Variants in PTPN20 observed in about 807,000 individuals in gnomAD.
PTPN20 encodes tyrosine-protein phosphatase non-receptor type 20.
In PTPN20, 9 loss-of-function variants were observed where a neutral mutation model predicts 35.0. The ratio of observed to expected loss-of-function variants is 0.26; its 90% confidence interval spans 0.15 to 0.45. The LOEUF (loss-of-function observed/expected upper bound fraction) is 0.45. Among genes scored for constraint, PTPN20 ranks in the 20% least tolerant of loss-of-function variants. The pLI, the probability that PTPN20 is intolerant of heterozygous loss-of-function variation, is 1.00. For synonymous variants in PTPN20, 32 were observed against 100.2 expected, an observed-to-expected ratio of 0.32 and a Z score of 4.06; for missense variants, 111 against 312.5, an observed-to-expected ratio of 0.36 and a Z score of 4.86.
In PTPN20 at chr10:46,999,933, G is replaced by A; in HGVS notation, c.1156G>A (p.Ala386Thr). The change falls in exon 10 of 11, where the codon GCC becomes ACC. Residue 386 changes from alanine (A) to threonine (T), a missense_variant. By Grantham distance (58) the Ala-to-Thr change is moderately conservative. Around this residue, in one of 5 missense-constraint regions of PTPN20, gnomAD observed 61 missense variants for 54.3 expected, o/e 1.12. Coordinates refer to ENST00000374339, the MANE Select transcript of PTPN20 (RefSeq NM_001042357.5). ...ACAGTTCAACATCATGGATATAGTG[G>A]CCCAAATGAGAGAACAACGTTCTGG... is the stretch of plus-strand genomic sequence containing the variant. ...NCSFNIMDIVAQMREQRSGMV... is the reference protein window; with the variant it reads ...NCSFNIMDIVTQMREQRSGMV... The A allele has an allele frequency of 1.2e-6, 2 of 1,613,694 alleles. No individual in the cohort carries two copies. Among genetic ancestry groups the A allele is most frequent in the Admixed American group, 3.3e-5 (2 of 59,994 alleles).
intron 7 of PTPN20, among the ~76,000 whole-genome samples, chr10:46,968,547 G>A (rs1403631370): frequency 6.6e-6 from 1 of 152,218 alleles, no homozygotes; most frequent in African/African-American, 2.4e-5. Flanking sequence ...TGGGAGGGTA[G>A]TGGCACCTTC....
intron 7 of PTPN20, among the ~76,000 whole-genome samples, chr10:46,973,944 TTG>T (rs1423439192): frequency 1.3e-5 from 2 of 151,982 alleles, no homozygotes; most frequent in Non-Finnish European, 2.9e-5. Context: ...TCCAGCACCT[TTG>T]TGGGTCCACT....
chr10:46,977,351 A>C (rs1472053112), intron 7 of PTPN20, among the ~76,000 whole-genome samples: 1 of 152,306 alleles, frequency 6.6e-6, no homozygotes, highest in African/African-American at 2.4e-5. Context: ...CAGCCTATTG[A>C]TTCTATTTAT....
At position 46,953,334 on chromosome 10, in the gene PTPN20, CTTTTCTTT is replaced by C. The variant is rs1163450853; in HGVS notation, c.340+6660_340+6667del. ...TTTCCAATGTATATGCCTTTCATTT[CTTTTCTTT>C]CTTTCTTTCTTTCTTTCTTTCTTTC... On this transcript the variant is annotated intron_variant, in intron 5 of 10. Coordinates refer to ENST00000374339, the MANE Select transcript of PTPN20 (RefSeq NM_001042357.5). Among the ~76,000 whole-genome samples, 7 of 118,868 alleles carry C rather than the reference CTTTTCTTT, an allele frequency of 5.9e-5. 1 individual carries two copies. The highest frequency in any genetic ancestry group is 2.5e-4 in the African/African-American group (7 of 27,926). The allele number at this position is 118,868 out of a possible 152,430, so 78.0% of individuals were successfully genotyped here. A position where few individuals can be genotyped will look rare whatever the true frequency, so the allele number is the denominator to read the frequency against.
chr10:46,940,536 G>A (rs2043129114), intron 2 of PTPN20, 87 bp from the exon 3 acceptor site: 3 of 1,403,868 alleles, frequency 2.1e-6, no homozygotes, highest in Non-Finnish European at 3.0e-6. Context: ...TGCCCCTCAT[G>A]TAGCTTGTTT....
rs2060090602 is a variant in PTPN20, at chr10:47,002,115, A to C, written c.*1374A>C. On this transcript the variant is annotated 3_prime_UTR_variant, in exon 11 of 11. Coordinates refer to ENST00000374339, the MANE Select transcript of PTPN20 (RefSeq NM_001042357.5). ...GTAAAAATAATTATATGCCAAAAATATATTTGATGTTAAATCAAATAGATG... is the reference window on the plus strand; with the variant it reads ...GTAAAAATAATTATATGCCAAAAATCTATTTGATGTTAAATCAAATAGATG... The C allele has an allele frequency of 6.6e-6, 1 of 152,208 alleles. No homozygotes were observed. The highest frequency in any genetic ancestry group is 2.1e-4 in the South Asian group (1 of 4,834). The allele number at this position is 152,208 out of a possible 1,614,324, so 9.4% of individuals were successfully genotyped here.
chr10:46,999,619 G>A, intron 9 of PTPN20, among the ~76,000 whole-genome samples: 1 of 152,304 alleles, frequency 6.6e-6, no homozygotes, highest in African/African-American at 2.4e-5. Context: ...GAATTACAGT[G>A]CTGCTTTAAG....
chr10:47,002,753 G>C (rs1490785194), downstream of PTPN20, among the ~76,000 whole-genome samples: 2 of 151,670 alleles, frequency 1.3e-5, no homozygotes, highest in Admixed American at 6.6e-5. Context: ...TTACATGTTA[G>C]ACCAAAGCTT....
chr10:47,000,407 A>G (rs2059900512), intron 10 of PTPN20, among the ~76,000 whole-genome samples: 1 of 152,226 alleles, frequency 6.6e-6, no homozygotes, highest in Non-Finnish European at 1.5e-5. Context: ...TTGGGAGGGT[A>G]GATTAATAGA....
chr10:47,000,884 C>T lies in PTPN20; in HGVS notation c.*143C>T. ...TATCAGTTTATTTTCTTTCTAAAAG[C>T]TCCCTGAAGGGCAATATCATTTGGC... On this transcript the variant is annotated 3_prime_UTR_variant, in exon 11 of 11. Coordinates refer to ENST00000374339, the MANE Select transcript of PTPN20 (RefSeq NM_001042357.5). 3 of 1,021,428 alleles carry T rather than the reference C, an allele frequency of 2.9e-6. No homozygotes were observed. Among genetic ancestry groups the T allele is most frequent in the Non-Finnish European group, 4.6e-6 (3 of 653,832 alleles). The allele number at this position is 1,021,428 out of a possible 1,614,324, so 63.3% of individuals were successfully genotyped here.
Position 47,000,834 on chromosome 10 carries a change from A to C in PTPN20, c.*93A>C. 2 of 1,438,566 alleles carry C rather than the reference A, an allele frequency of 1.4e-6. No individual in the cohort carries two copies. Among genetic ancestry groups the C allele is most frequent in the Non-Finnish European group, 2.0e-6 (2 of 1,020,600 alleles). The allele number at this position is 1,438,566 out of a possible 1,614,324, so 89.1% of individuals were successfully genotyped here. On this transcript the variant is annotated 3_prime_UTR_variant, in exon 11 of 11. Transcript: ENST00000374339. ...TTGCACTGTGCTGAAGGGCTTTGCT[A>C]TGCATACAATCTGCTTTCTTGGTTT... is the stretch of plus-strand genomic sequence containing the variant.
chr10:46,983,162 C>T (rs1268728909), intron 7 of PTPN20, among the ~76,000 whole-genome samples: 4 of 150,920 alleles, frequency 2.7e-5, no homozygotes, highest in Admixed American at 6.6e-5. Flanking sequence ...CTGCAGCCTC[C>T]GCCTCCCTGG....
At chr10:46,953,332 TTCTTTTC>T (rs1335306769) in intron 5 of PTPN20, among the ~76,000 whole-genome samples, 2 of 142,714 alleles carry the variant, frequency 1.4e-5, no homozygotes, top group African/African-American at 5.8e-5. Context: ...TGCCTTTCAT[TTCTTTTC>T]TTTCTTTCTT....
At chr10:46,932,617 C>G (rs2040096178) in intron 2 of PTPN20, 84 bp downstream of exon 2, 1 of 1,556,730 alleles carries the variant, frequency 6.4e-7, no homozygotes, top group South Asian at 1.1e-5. Context: ...GCATAGGGAC[C>G]ACCTGTGGAT....
Position 46,988,307 on chromosome 10 carries a change from A to G in PTPN20, c.1134+752A>G, listed in dbSNP as rs1350335667. On this transcript the variant is annotated intron_variant, in intron 9 of 10. Coordinates refer to ENST00000374339, the MANE Select transcript of PTPN20 (RefSeq NM_001042357.5). ...GGTACAGAGAGTGGTATTTAGATAT[A>G]TGTATACAATGTGTAGTGATCAGAT... Among the ~76,000 whole-genome samples, 22 of 112,254 alleles carry G rather than the reference A, an allele frequency of 2.0e-4. 1 individual carries two copies. The highest frequency in any genetic ancestry group is 1.4e-3 in the Admixed American group (17 of 11,886). The allele number at this position is 112,254 out of a possible 152,430, so 73.6% of individuals were successfully genotyped here.
intron 4 of PTPN20, among the ~76,000 whole-genome samples, chr10:46,945,161 G>A (rs1383072992): frequency 6.8e-6 from 1 of 147,762 alleles, no homozygotes; most frequent in South Asian, 2.1e-4. Flanking sequence ...GAGAGGTGGA[G>A]CCCAAAATAC....
At chr10:46,988,697 C>CT (rs1165515416) in intron 9 of PTPN20, among the ~76,000 whole-genome samples, 1 of 151,716 alleles carries the variant, frequency 6.6e-6, no homozygotes, top group Non-Finnish European at 1.5e-5. Flanking sequence ...GGATGTCACT[C>CT]TTTTTTTATG....
At position 46,940,790 on chromosome 10, in the gene PTPN20, A is replaced by G. The variant is rs1251876232; in HGVS notation, c.129+73A>G. On this transcript the variant is annotated intron_variant, in intron 3 of 10. Transcript: ENST00000374339. ...AATTGCTGACTATGCTCTCTGGGAA[A>G]TGGGTATCTATTTGGTTCTCACCAA... 7.6e-6 allele frequency: 10 copies of G among 1,314,130 alleles called. No individual in the cohort carries two copies. In the South Asian group the frequency reaches 1.2e-4, roughly 16 times the overall value. The allele number at this position is 1,314,130 out of a possible 1,614,324, so 81.4% of individuals were successfully genotyped here. A position where few individuals can be genotyped will look rare whatever the true frequency, so the allele number is the denominator to read the frequency against.
chr10:46,999,784 T>G, intron 9 of PTPN20, 128 bp from the exon 10 acceptor site: 2 of 1,154,464 alleles, frequency 1.7e-6, no homozygotes, highest in Non-Finnish European at 2.6e-6. Flanking sequence ...AAATAGCACA[T>G]TTTCTTGTGA....
Sources: allele counts gnomAD v4.1 joint callset (sites outside exome capture counted in the v4.1 genomes callset), GRCh38; gene constraint gnomAD v4.1.1; regional missense constraint gnomAD v4.1.1; transcripts MANE v1.5; gene names NCBI Gene and HGNC (gene_info 2026-07-23, HGNC 2026-07-21).